MMP26: variants seen among roughly 807,000 people sequenced by gnomAD.
The protein encoded by MMP26 is matrix metalloproteinase-26.
A neutral mutation model predicts 31.0 loss-of-function variants in MMP26; 33 were observed. The observed-to-expected ratio is 1.06, with a 90% confidence interval of 0.81 to 1.42. The LOEUF is 1.42. MMP26 is among the 40% of genes most tolerant of loss of function. The pLI is 0.00. For missense variants in MMP26, 347 were observed against 316.1 expected, an observed-to-expected ratio of 1.10 and a Z score of -0.74; for synonymous variants, 122 against 114.9, an observed-to-expected ratio of 1.06 and a Z score of -0.40.
chr11:4,748,512 C>A (rs1200764410), intron 1 of MMP26, among the ~76,000 whole-genome samples: 3 of 151,362 alleles, frequency 2.0e-5, no homozygotes, highest in African/African-American at 4.9e-5. Flanking sequence ...AGATAAATAT[C>A]CCTGATGAAT....
intron 2 of MMP26, chr11:4,848,461 C>A (rs1849910552): frequency 6.2e-7 from 1 of 1,613,358 alleles, no homozygotes; most frequent in Non-Finnish European, 8.5e-7. Flanking sequence ...GAGAGGTGGG[C>A]AGCACAGGTT....
Position 4,947,408 on chromosome 11 carries a change from G to T in MMP26, c.-144-40660G>T, listed in dbSNP as rs556093404. ...TTTCATTTTTTCCTGTAAAATATTA[G>T]TAAACGCTGGTCAATTAACTGGAAT... On this transcript the variant is annotated intron_variant, in intron 2 of 7. Transcript: ENST00000380390. 4.5e-4 allele frequency: 102 copies of T among 225,758 alleles called. 17 individuals carry two copies. In the East Asian group the frequency reaches 6.5e-3, roughly 14 times the overall value. 14.0% of individuals were successfully genotyped at this position (225,758 alleles called of 1,614,324 possible). A position where few individuals can be genotyped will look rare whatever the true frequency, so the allele number is the denominator to read the frequency against.
intron 2 of MMP26, among the ~76,000 whole-genome samples, chr11:4,901,621 A>G (rs925605446): frequency 6.6e-6 from 1 of 152,144 alleles, no homozygotes; most frequent in Non-Finnish European, 1.5e-5. Context: ...TCTTGGTGGT[A>G]AAAGATAAAA....
intron 2 of MMP26, among the ~76,000 whole-genome samples, chr11:4,852,875 A>G (rs777236503): frequency 5.9e-5 from 9 of 152,204 alleles, no homozygotes; most frequent in Non-Finnish European, 1.2e-4. Context: ...CAGCCTTAAA[A>G]AAGAAAAACA....
chr11:4,725,094 C>A (rs560080018), intron 1 of MMP26, among the ~76,000 whole-genome samples: 1 of 152,292 alleles, frequency 6.6e-6, no homozygotes, highest in Non-Finnish European at 1.5e-5. Context: ...CCCCTTGCTC[C>A]TTCTTCAGCC....
At chr11:4,736,603 T>C (rs1230020409) in intron 1 of MMP26, 1 of 152,110 alleles carries the variant, frequency 6.6e-6, no homozygotes, top group Non-Finnish European at 1.5e-5. Context: ...CAGAAGGACA[T>C]GTTTAAGAAG....
intron 2 of MMP26, among the ~76,000 whole-genome samples, chr11:4,926,716 G>C (rs1851278322): frequency 6.6e-6 from 1 of 152,014 alleles, no homozygotes; most frequent in Non-Finnish European, 1.5e-5. Context: ...TATAGTCCTT[G>C]CATATTATAT....
intron 2 of MMP26, among the ~76,000 whole-genome samples, chr11:4,806,343 T>A (rs925464505): frequency 1.3e-5 from 2 of 152,088 alleles, no homozygotes; most frequent in Non-Finnish European, 1.5e-5. Context: ...CCCGTTATTA[T>A]TGTGTGGGAG....
intron 1 of MMP26, among the ~76,000 whole-genome samples, chr11:4,766,445 C>A (rs561245712): frequency 6.6e-6 from 1 of 152,114 alleles, no homozygotes; most frequent in Admixed American, 6.5e-5. Context: ...CATTTTTCCC[C>A]GGATACAGAT....
At position 4,814,885 on chromosome 11, in the gene MMP26, TATTTTGCC is replaced by T. The variant is rs371060199; in HGVS notation, c.-145+47546_-145+47553del. Reference sequence around the variant, plus strand: ...CAGGTCTCAATCAATTTAGAAAATTTATTTTGCCAAGGTTAAGAACGCACCCGTGGCAC... The same window carrying T: ...CAGGTCTCAATCAATTTAGAAAATTTAAGGTTAAGAACGCACCCGTGGCAC... On this transcript the variant is annotated intron_variant, in intron 2 of 7. Transcript: ENST00000380390. 6.2e-3 allele frequency among the ~76,000 whole-genome samples: 943 copies of T among 152,320 alleles called. 11 individuals carry two copies. Among genetic ancestry groups the T allele is most frequent in the African/African-American group, 0.022 (903 of 41,556 alleles).
chr11:4,987,405 TG>T (rs36224989), intron 2 of MMP26, among the ~76,000 whole-genome samples: 3,856 of 150,904 alleles, frequency 0.026, 167 homozygotes, highest in African/African-American at 0.088. Flanking sequence ...TTGTTTTTTG[TG>T]GTTTTTTTTT....
intron 2 of MMP26, among the ~76,000 whole-genome samples, chr11:4,806,891 T>G (rs1211876880): frequency 1.3e-5 from 2 of 152,136 alleles, no homozygotes; most frequent in Non-Finnish European, 2.9e-5. Context: ...ATATTCTGTT[T>G]GAGCCGAAGT....
Position 4,786,554 on chromosome 11 carries a change from G to A in MMP26, c.-145+19213G>A, listed in dbSNP as rs58698481. Among the ~76,000 whole-genome samples the A allele has an allele frequency of 2.3e-3, 295 of 128,498 alleles. 1 individual carries two copies. The highest frequency in any genetic ancestry group is 7.6e-3 in the African/African-American group (251 of 33,200). The allele number at this position is 128,498 out of a possible 152,430, so 84.3% of individuals were successfully genotyped here. A position where few individuals can be genotyped will look rare whatever the true frequency, so the allele number is the denominator to read the frequency against. ...AACTGTTGTGAGATAGGATGAGGTA[G>A]GATTATGAGTATGAGAAGTGCTTCA... is the stretch of plus-strand genomic sequence containing the variant. On this transcript the variant is annotated intron_variant, in intron 2 of 7. Transcript: ENST00000380390.
chr11:4,719,602 G>C (rs995178069), intron 1 of MMP26: 7 of 152,298 alleles, frequency 4.6e-5, no homozygotes, highest in Non-Finnish European at 1.0e-4. Context: ...TCATTTTATA[G>C]ATGAGTAAAA....
intron 2 of MMP26, among the ~76,000 whole-genome samples, chr11:4,802,323 G>A (rs1380885141): frequency 6.6e-6 from 1 of 152,048 alleles, no homozygotes; most frequent in Non-Finnish European, 1.5e-5. Flanking sequence ...AAGAGTAATT[G>A]CTCAATATAT....
At chr11:4,989,172 A>T (rs564198574) in intron 3 of MMP26, among the ~76,000 whole-genome samples, 1 of 152,232 alleles carries the variant, frequency 6.6e-6, no homozygotes, top group Non-Finnish European at 1.5e-5. Context: ...GACAAGGAAT[A>T]GGTAAACAAC....
intron 2 of MMP26, among the ~76,000 whole-genome samples, chr11:4,838,465 C>T (rs1054220815): frequency 2.0e-5 from 3 of 149,704 alleles, no homozygotes; most frequent in African/African-American, 7.4e-5. Flanking sequence ...GGAGATCAGT[C>T]TTTCAGAAGT....
intron 1 of MMP26, among the ~76,000 whole-genome samples, chr11:4,763,373 G>GCCAGAGAC (rs1477549296): frequency 7.9e-5 from 12 of 152,336 alleles, no homozygotes; most frequent in South Asian, 6.2e-4. Flanking sequence ...AGAAAGTCAT[G>GCCAGAGAC]TTGCCAGAAG....
rs767652870 is a variant in MMP26, at chr11:4,882,775, C to A, written c.-144-105293C>A. 6.2e-6 allele frequency: 10 copies of A among 1,613,788 alleles called. No individual in the cohort carries two copies. In the Admixed American group the frequency reaches 8.3e-5, roughly 13 times the overall value. ...TCTTACCACCTGTGCTGAACCCTAT[C>A]ATTTACAGCTTGAAGACCAAGACAA... On this transcript the variant is annotated intron_variant, in intron 2 of 7. Transcript: ENST00000380390.
Sources: gnomAD v4.1 joint callset for allele counts (sites outside exome capture counted in the v4.1 genomes callset) on GRCh38, gnomAD v4.1.1 for gene constraint, MANE v1.5 for transcripts, NCBI Gene and HGNC (gene_info 2026-07-23, HGNC 2026-07-21) for gene names.